The following ZNF100 variants were observed in gnomAD, a reference collection of about 807,000 sequenced individuals.
ZNF100 encodes zinc finger protein 100 (Y1).
Under a neutral mutation model 15.8 loss-of-function variants are expected in ZNF100, and 12 were observed. That is an observed-to-expected ratio of 0.76 (90% CI 0.49 to 1.23). ZNF100 has a LOEUF of 1.23. ZNF100 is among the 50% of genes most tolerant of loss of function. The pLI is 0.00. For synonymous variants in ZNF100, 226 were observed against 214.8 expected (o/e 1.05, Z -0.45); for missense variants, 670 against 635.6 (o/e 1.05, Z -0.58).
chr19:21,747,899 G>A (rs2036238552), intron 2 of ZNF100, among the ~76,000 whole-genome samples: 1 of 152,132 alleles, frequency 6.6e-6, no homozygotes, highest in Non-Finnish European at 1.5e-5. Flanking sequence ...TTGATACTAA[G>A]TGTTCAGTAA....
chr19:21,735,280 G>T (rs2035987926), intron 4 of ZNF100, among the ~76,000 whole-genome samples: 1 of 152,118 alleles, frequency 6.6e-6, no homozygotes, highest in East Asian at 1.9e-4. Flanking sequence ...GGATCATGAG[G>T]TCAGGAGATC....
At chr19:21,732,141 A>G (rs570250468) in intron 4 of ZNF100, among the ~76,000 whole-genome samples, 1 of 152,180 alleles carries the variant, frequency 6.6e-6, no homozygotes, top group African/African-American at 2.4e-5. Context: ...ACTACACCCC[A>G]GTCTTGGCGA....
intron 4 of ZNF100, among the ~76,000 whole-genome samples, chr19:21,734,275 T>C (rs1191847669): frequency 6.6e-6 from 1 of 152,130 alleles, no homozygotes; most frequent in African/African-American, 2.4e-5. Flanking sequence ...AGTGAGCTAA[T>C]GAAGCATGTT....
intron 2 of ZNF100, among the ~76,000 whole-genome samples, chr19:21,765,083 A>G (rs557734539): frequency 2.5e-4 from 38 of 152,222 alleles, no homozygotes; most frequent in Non-Finnish European, 5.0e-4. Flanking sequence ...ATTTTTAACA[A>G]ATTTTTGACA....
chr19:21,766,445 ATTT>A (rs35317866), intron 1 of ZNF100, among the ~76,000 whole-genome samples: 1,731 of 147,772 alleles, frequency 0.012, 37 homozygotes, highest in African/African-American at 0.041. Flanking sequence ...ACTCAGGTGC[ATTT>A]TTTTTTTAAT....
At chr19:21,760,090 G>A (rs1222507108) in intron 2 of ZNF100, among the ~76,000 whole-genome samples, 1 of 150,294 alleles carries the variant, frequency 6.7e-6, no homozygotes, top group African/African-American at 2.4e-5. Flanking sequence ...GCTGAGGCAG[G>A]AGAATTGCTT....
At chr19:21,744,324 T>A (rs111610027) in intron 3 of ZNF100, among the ~76,000 whole-genome samples, 3,503 of 152,250 alleles carry the variant, frequency 0.023, 146 homozygotes, top group African/African-American at 0.08. Context: ...AAAAAATTGG[T>A]GGTGATGAAT....
intron 2 of ZNF100, 25 bp downstream of exon 2, chr19:21,765,669 C>T: frequency 1.1e-5 from 17 of 1,610,416 alleles, no homozygotes; most frequent in Non-Finnish European, 1.4e-5. Context: ...TGGGTGAAGA[C>T]AATTTTAATG....
In ZNF100 at chr19:21,765,768, T is replaced by C. The variant is rs12974842; in HGVS notation, c.22A>G (p.Met8Val). The C allele has an allele frequency of 0.072, 116,875 of 1,613,644 alleles. 5,140 individuals are homozygous for C. The highest frequency in any genetic ancestry group is 0.18 in the South Asian group (16,358 of 91,038). ...CCACTTGCTCCCTTGAGAGGACACATTCCATACCTCGGGTCATCCTACGGG... is the reference window on the plus strand; with the variant it reads ...CCACTTGCTCCCTTGAGAGGACACACTCCATACCTCGGGTCATCCTACGGG... MDDPRYGMCPLKGASGCP... is the reference protein window; with the variant it reads MDDPRYGVCPLKGASGCP... Residue 8 changes from methionine to valine, a missense_variant, in exon 2 of 5, where the codon ATG (methionine) becomes GTG (valine). Met to Val is a conservative substitution (Grantham distance 21). Coordinates refer to ENST00000358296, the MANE Select transcript of ZNF100 (RefSeq NM_173531.4).
In ZNF100 at chr19:21,726,615, T is replaced by C; in HGVS notation, c.*68A>G. The C allele has an allele frequency of 7.3e-7, 1 of 1,367,820 alleles. No homozygotes were observed. 84.7% of individuals were successfully genotyped at this position (1,367,820 alleles called of 1,614,324 possible). ...CCATATTCTTCACAGTCACAGGAGT[T>C]CCCTCCAGTATGAATTTTTTTATGT... is the stretch of plus-strand genomic sequence containing the variant. On this transcript the variant is annotated 3_prime_UTR_variant, in exon 5 of 5. Transcript: ENST00000358296.
At position 21,745,062 on chromosome 19, in the gene ZNF100, T is replaced by C. The variant is rs200533160; in HGVS notation, c.102A>G (p.Pro34=). 2.9e-3 allele frequency: 4,653 copies of C among 1,611,388 alleles called. 13 individuals are homozygous for C. The highest frequency in any genetic ancestry group is 3.5e-3 in the Non-Finnish European group (4,088 of 1,179,372). The change falls in exon 3 of 5, where the codon CCA becomes CCG. Residue 34 remains proline, a synonymous_variant. Coordinates refer to ENST00000358296, the MANE Select transcript of ZNF100 (RefSeq NM_173531.4). ...CTATGGCCACATCCCTAAACGTCAA[T>C]GGCCCCTGAAAAGCACAAGCACAGA... The part of the protein sequence containing the change: ...LLVQSYFEKG[P]LTFRDVAIEF...
At position 21,740,086 on chromosome 19, in the gene ZNF100, A is replaced by T. The variant is rs538544273; in HGVS notation, c.322+3931T>A. 9.2e-5 allele frequency among the ~76,000 whole-genome samples: 14 copies of T among 152,328 alleles called. No homozygotes were observed. In the South Asian group the frequency reaches 2.9e-3, roughly 32 times the overall value. ...TACTTCCCGATTTTAAAACATTAAA[A>T]GCTACAATAACAAAAACAGTATGGT... On this transcript the variant is annotated intron_variant, in intron 4 of 4. Coordinates refer to ENST00000358296, the MANE Select transcript of ZNF100 (RefSeq NM_173531.4).
rs1444504868 is a variant in ZNF100 at position 21,767,546 on chromosome 19, A to G, written c.-117T>C. 2.5e-5 allele frequency: 36 copies of G among 1,451,088 alleles called. No homozygotes were observed. The East Asian group carries it at 4.1e-4, about 16-fold the overall frequency. The allele number at this position is 1,451,088 out of a possible 1,614,324, so 89.9% of individuals were successfully genotyped here. ...GAAGACACAGAGAAGTGAGAGCAAA[A>G]CCTGGAGCTCCGGCTACAGCGAGAG... is the stretch of plus-strand genomic sequence containing the variant. On this transcript the variant is annotated 5_prime_UTR_variant, in exon 1 of 5. Transcript: ENST00000358296.
In ZNF100 at chr19:21,762,339, T is replaced by A. The variant is rs574348174; in HGVS notation, c.96+3355A>T. ...AGCCACGACTTCCTATCAGCTTGGT[T>A]CCAACAAATGCCCAGTTCATGAAAA... is the stretch of plus-strand genomic sequence containing the variant. On this transcript the variant is annotated intron_variant, in intron 2 of 4. Coordinates refer to ENST00000358296, the MANE Select transcript of ZNF100 (RefSeq NM_173531.4). Among the ~76,000 whole-genome samples the A allele has an allele frequency of 1.4e-3, 209 of 152,352 alleles. 1 individual carries two copies. The highest frequency in any genetic ancestry group is 6.8e-3 in the Middle Eastern group (2 of 294).
Position 21,751,119 on chromosome 19 carries a change from G to C in ZNF100, c.97-6052C>G, listed in dbSNP as rs567503732. On this transcript the variant is annotated intron_variant, in intron 2 of 4. Transcript: ENST00000358296. ...ATCCAAGGGCAAGCACAAGTTTCCT[G>C]AGCAAATCTCAAACCGATGTGCGAG... is the stretch of plus-strand genomic sequence containing the variant. 2.1e-6 allele frequency: 3 copies of C among 1,429,302 alleles called. No individual in the cohort carries two copies. In the Admixed American group the frequency reaches 5.0e-5, roughly 24 times the overall value. The allele number at this position is 1,429,302 out of a possible 1,614,324, so 88.5% of individuals were successfully genotyped here.
rs1449988727 is a variant in ZNF100 at position 21,724,755 on chromosome 19, A to G, written c.*1928T>C. The G allele has an allele frequency of 6.6e-6, 1 of 152,186 alleles. No homozygotes were observed. Among genetic ancestry groups the G allele is most frequent in the Non-Finnish European group, 1.5e-5 (1 of 68,026 alleles). The allele number at this position is 152,186 out of a possible 1,614,324, so 9.4% of individuals were successfully genotyped here. A position where few individuals can be genotyped will look rare whatever the true frequency, so the allele number is the denominator to read the frequency against. ...AAATAATTAAGAAAAATAAATTTAA[A>G]TAAAATAAACATTTGGCTGGGCACG... On this transcript the variant is annotated 3_prime_UTR_variant, in exon 5 of 5. Coordinates refer to ENST00000358296, the MANE Select transcript of ZNF100 (RefSeq NM_173531.4).
Position 21,727,076 on chromosome 19 carries a change from C to G in ZNF100, c.1236G>C (p.Trp412Cys). Residue 412 changes from tryptophan (W) to cysteine (C), a missense_variant, in exon 5 of 5, where the codon TGG (tryptophan) becomes TGC (cysteine). By Grantham distance (215) the Trp-to-Cys change is radical. Coordinates refer to ENST00000358296, the MANE Select transcript of ZNF100 (RefSeq NM_173531.4). ...TCTTATGTTTAGTGAGGGCTGAGGA[C>G]CAGTTAAAGCCTTTGCCGCATTCTT... ...KCEECGKGFN[W>C]SSALTKHKRI... 6.2e-7 allele frequency: 1 copy of G among 1,613,362 alleles called. No individual in the cohort carries two copies. Among genetic ancestry groups the G allele is most frequent in the Non-Finnish European group, 8.5e-7 (1 of 1,179,796 alleles).
chr19:21,726,754 T>C lies in ZNF100; in HGVS notation c.1558A>G (p.Lys520Glu). The C allele has an allele frequency of 6.2e-7, 1 of 1,613,612 alleles. No individual in the cohort carries two copies. Among genetic ancestry groups the C allele is most frequent in the South Asian group, 1.1e-5 (1 of 91,036 alleles). ...AGGCTTAGGGACTGGTTAAAGTCTTTACCACATTCTTCCCATTTGTAAGAT... is the reference window on the plus strand; with the variant it reads ...AGGCTTAGGGACTGGTTAAAGTCTTCACCACATTCTTCCCATTTGTAAGAT... ...EKSYKWEECGKDFNQSLSLIK... is the reference protein window; with the variant it reads ...EKSYKWEECGEDFNQSLSLIK... Residue 520 changes from lysine (K) to glutamate (E), a missense_variant, in exon 5 of 5, where the codon AAA becomes GAA. Coordinates refer to ENST00000358296, the MANE Select transcript of ZNF100 (RefSeq NM_173531.4).
chr19:21,725,325 AAT>A lies in ZNF100; in HGVS notation c.*1356_*1357del, dbSNP rs935471897. 2.0e-5 allele frequency: 3 copies of A among 152,182 alleles called. No homozygotes were observed. The highest frequency in any genetic ancestry group is 4.4e-5 in the Non-Finnish European group (3 of 68,026). The allele number at this position is 152,182 out of a possible 1,614,324, so 9.4% of individuals were successfully genotyped here. ...ATCACATATAATCTGAAATTTAAAA[AAT>A]ATACTGCATTTTATATAAAAGTATT... is the stretch of plus-strand genomic sequence containing the variant. On this transcript the variant is annotated 3_prime_UTR_variant, in exon 5 of 5. Transcript: ENST00000358296.
Sources: allele counts gnomAD v4.1 joint callset (sites outside exome capture counted in the v4.1 genomes callset), GRCh38; gene constraint gnomAD v4.1.1; transcripts MANE v1.5; gene names NCBI Gene and HGNC (gene_info 2026-07-23, HGNC 2026-07-21).